The following PIAS1 variants were observed in gnomAD, a reference collection of about 807,000 sequenced individuals.
The protein encoded by PIAS1 is E3 SUMO-protein ligase PIAS1.
PIAS1 carries 6 observed loss-of-function variants against 71.3 expected under a neutral mutation model. The ratio of observed to expected loss-of-function variants is 0.08; its 90% CI spans 0.05 to 0.17. PIAS1 has a LOEUF of 0.17. PIAS1 is among the 10% of genes least tolerant of loss of function. The pLI is 1.00. For missense variants in PIAS1, 555 were observed against 793.6 expected (o/e 0.70, Z 3.61); for synonymous variants, 303 against 292.9 (o/e 1.03, Z -0.35).
chr15:68,075,458 A>T (rs2092152137), intron 1 of PIAS1, among the ~76,000 whole-genome samples: 1 of 152,116 alleles, frequency 6.6e-6, no homozygotes, highest in South Asian at 2.1e-4. Context: ...TAAAACTTAA[A>T]TTTTAATCAT....
intron 2 of PIAS1, among the ~76,000 whole-genome samples, chr15:68,121,362 T>C (rs746415690): frequency 6.6e-6 from 1 of 151,976 alleles, no homozygotes; most frequent in African/African-American, 2.4e-5. Flanking sequence ...GTTATCTGTA[T>C]GCTGTTCTAT....
intron 2 of PIAS1, among the ~76,000 whole-genome samples, chr15:68,126,017 C>A (rs1479204817): frequency 6.6e-6 from 1 of 151,782 alleles, no homozygotes; most frequent in African/African-American, 2.4e-5. Context: ...TGATCTTTTT[C>A]TGTAACCTGT....
intron 1 of PIAS1, among the ~76,000 whole-genome samples, chr15:68,067,456 T>C (rs1481984373): frequency 6.6e-6 from 1 of 152,044 alleles, no homozygotes; most frequent in Non-Finnish European, 1.5e-5. Context: ...TTTGTCCTTG[T>C]GGATTAAAGA....
rs1480347626 is a variant in PIAS1, at chr15:68,134,461, C to T, written c.470-7485C>T. ...GGCTGGGCAGAGGCGCCCCTCACCTCCCGGACGGGGCGGCTGGCCGGGCGG... is the reference window on the plus strand; with the variant it reads ...GGCTGGGCAGAGGCGCCCCTCACCTTCCGGACGGGGCGGCTGGCCGGGCGG... On this transcript the variant is annotated intron_variant, in intron 2 of 13. Coordinates refer to ENST00000249636, the MANE Select transcript of PIAS1 (RefSeq NM_016166.3). Among the ~76,000 whole-genome samples, 7 of 56,968 alleles carry T rather than the reference C, an allele frequency of 1.2e-4. 2 individuals carry two copies. Among genetic ancestry groups the T allele is most frequent in the African/African-American group, 2.6e-4 (7 of 26,764 alleles). The allele number at this position is 56,968 out of a possible 152,430, so 37.4% of individuals were successfully genotyped here.
chr15:68,127,971 G>C (rs1258764719), intron 2 of PIAS1, among the ~76,000 whole-genome samples: 5 of 152,092 alleles, frequency 3.3e-5, no homozygotes, highest in African/African-American at 9.7e-5. Flanking sequence ...CACCATGTCA[G>C]CCAGGCTGGT....
intron 2 of PIAS1, among the ~76,000 whole-genome samples, chr15:68,140,114 G>T (rs2092760491): frequency 1.3e-5 from 2 of 152,160 alleles, no homozygotes; most frequent in Non-Finnish European, 2.9e-5. Context: ...GGAGATGGAA[G>T]TGTAGGGGCT....
chr15:68,140,624 A>G (rs1476837457), intron 2 of PIAS1, among the ~76,000 whole-genome samples: 3 of 152,220 alleles, frequency 2.0e-5, no homozygotes, highest in Non-Finnish European at 2.9e-5. Flanking sequence ...ATAGAATTCT[A>G]GATCAACAAG....
chr15:68,170,345 A>G (rs1441293614), intron 8 of PIAS1, among the ~76,000 whole-genome samples: 2 of 152,200 alleles, frequency 1.3e-5, no homozygotes, highest in Non-Finnish European at 2.9e-5. Flanking sequence ...ACTGTACAGC[A>G]TGTTACAAAA....
rs200965136 is a variant in PIAS1 at position 68,084,245 on chromosome 15, C to CT, written c.25-2052dup. Among the ~76,000 whole-genome samples, 136 of 151,584 alleles carry CT rather than the reference C, an allele frequency of 9.0e-4. 1 individual carries two copies. The highest frequency in any genetic ancestry group is 2.8e-3 in the African/African-American group (115 of 41,386). ...GAAATAGTTCTCTTCAAAATTTGTA[C>CT]TTTTTTTTTCTGTAAAATGCAGTAC... On this transcript the variant is annotated intron_variant, in intron 1 of 13. Transcript: ENST00000249636.
In PIAS1 at chr15:68,060,125, T is replaced by G. The variant is rs1003448436; in HGVS notation, c.24+5775T>G. ...GTATGAAATCGATTATGAAGTAGTA[T>G]TTTATAATCTATTCATACTATTCTA... is the stretch of plus-strand genomic sequence containing the variant. On this transcript the variant is annotated intron_variant, in intron 1 of 13. Transcript: ENST00000249636. 1.2e-4 allele frequency among the ~76,000 whole-genome samples: 19 copies of G among 152,272 alleles called. 1 individual carries two copies. Among genetic ancestry groups the G allele is most frequent in the Admixed American group, 3.9e-4 (6 of 15,294 alleles).
At chr15:68,090,234 G>A (rs1191904570) in intron 2 of PIAS1, among the ~76,000 whole-genome samples, 3 of 151,714 alleles carry the variant, frequency 2.0e-5, no homozygotes, top group South Asian at 2.1e-4. Flanking sequence ...ACAGGGTTTC[G>A]CTCTGTCATC....
At position 68,190,686 on chromosome 15, in the gene PIAS1, G is replaced by A. The variant is rs921611842; in HGVS notation, c.*2851G>A. The A allele has an allele frequency of 2.0e-5, 3 of 151,294 alleles. No individual in the cohort carries two copies. The highest frequency in any genetic ancestry group is 7.3e-5 in the African/African-American group (3 of 41,082). 9.4% of individuals were successfully genotyped at this position (151,294 alleles called of 1,614,324 possible). On this transcript the variant is annotated 3_prime_UTR_variant, in exon 14 of 14. Coordinates refer to ENST00000249636, the MANE Select transcript of PIAS1 (RefSeq NM_016166.3). This position sits in a 1 kb window ranked among gnomAD's most constrained non-coding sequence, Gnocchi z 4.7. ...TATACATCTGTATGCACACATCTTTGATAAAATAGCTATTTGACTAGCAGG... is the reference window on the plus strand; with the variant it reads ...TATACATCTGTATGCACACATCTTTAATAAAATAGCTATTTGACTAGCAGG...
rs564962820 is a variant in PIAS1, at chr15:68,110,670, A to C, written c.469+23920A>C. Among the ~76,000 whole-genome samples, 5 of 152,084 alleles carry C rather than the reference A, an allele frequency of 3.3e-5. No individual in the cohort carries two copies. The East Asian group carries it at 9.7e-4, about 29-fold the overall frequency. ...CCACCTACTCAAGAGGCTGAGGTGC[A>C]AGGATCACTTGAGCCTGGGGAGATC... On this transcript the variant is annotated intron_variant, in intron 2 of 13. Transcript: ENST00000249636.
intron 2 of PIAS1, among the ~76,000 whole-genome samples, chr15:68,096,017 T>G (rs968061305): frequency 6.6e-6 from 1 of 152,210 alleles, no homozygotes; most frequent in African/African-American, 2.4e-5. Context: ...GGATGTAGTA[T>G]TATAATTAAA....
chr15:68,171,916 C>A lies in PIAS1; in HGVS notation c.1009-1816C>A, dbSNP rs942026160. On this transcript the variant is annotated intron_variant, in intron 8 of 13. Coordinates refer to ENST00000249636, the MANE Select transcript of PIAS1 (RefSeq NM_016166.3). This position sits in a 1 kb window ranked among gnomAD's most constrained non-coding sequence, Gnocchi z 4.4. ...ATTTTTCTTTCATATATATTTTTTTCTTTTATATGTTTTATATATATATAA... is the reference window on the plus strand; with the variant it reads ...ATTTTTCTTTCATATATATTTTTTTATTTTATATGTTTTATATATATATAA... 6.6e-6 allele frequency among the ~76,000 whole-genome samples: 1 copy of A among 150,842 alleles called. No individual in the cohort carries two copies. Among genetic ancestry groups the A allele is most frequent in the Non-Finnish European group, 1.5e-5 (1 of 67,708 alleles).
At chr15:68,095,217 C>A (rs912767907) in intron 2 of PIAS1, among the ~76,000 whole-genome samples, 3 of 151,806 alleles carry the variant, frequency 2.0e-5, no homozygotes, top group African/African-American at 4.8e-5. Flanking sequence ...TTACTGGGAT[C>A]GAATTTAAAG....
intron 1 of PIAS1, among the ~76,000 whole-genome samples, chr15:68,066,957 C>T (rs1469864466): frequency 1.3e-5 from 2 of 152,036 alleles, no homozygotes; most frequent in Non-Finnish European, 2.9e-5. Context: ...CATTTTTTCC[C>T]GAGAGGAATT....
At chr15:68,103,273 AT>A (rs36010725) in intron 2 of PIAS1, among the ~76,000 whole-genome samples, 1 of 147,594 alleles carries the variant, frequency 6.8e-6, no homozygotes, top group African/African-American at 2.5e-5. Flanking sequence ...ATAAAATGAT[AT>A]TTTTTTTTCT....
At chr15:68,071,809 G>A (rs926505104) in intron 1 of PIAS1, among the ~76,000 whole-genome samples, 11 of 151,578 alleles carry the variant, frequency 7.3e-5, no homozygotes, top group Non-Finnish European at 1.5e-4. Context: ...TTAGCCATGG[G>A]GAGTGACGTC....
Sources: gnomAD v4.1 joint callset for allele counts (sites outside exome capture counted in the v4.1 genomes callset) on GRCh38, gnomAD v4.1.1 for gene constraint, Gnocchi (gnomAD v3.1) non-coding constraint, MANE v1.5 for transcripts, NCBI Gene and HGNC (gene_info 2026-07-23, HGNC 2026-07-21) for gene names.